The following NCALD variants were observed in gnomAD, a reference collection of about 807,000 sequenced individuals.
The protein encoded by NCALD is neurocalcin-delta.
Under a neutral mutation model 18.6 loss-of-function variants are expected in NCALD, and 10 were observed. The observed-to-expected ratio is 0.54, with a 90% CI of 0.33 to 0.91. The LOEUF is 0.91. NCALD is among the 40% of genes least tolerant of loss of function. The pLI is 0.03. For synonymous variants in NCALD, 88 were observed against 87.4 expected, an observed-to-expected ratio of 1.01 and a Z score of -0.04; for missense variants, 184 against 247.6, an observed-to-expected ratio of 0.74 and a Z score of 1.72.
At chr8:101,818,311 C>T (rs1180621342) in intron 4 of NCALD, among the ~76,000 whole-genome samples, 1 of 152,100 alleles carries the variant, frequency 6.6e-6, no homozygotes, top group African/African-American at 2.4e-5. Context: ...TTGCAATTGG[C>T]ACTGCACTGA....
chr8:101,755,541 A>G (rs1378622786), intron 1 of NCALD, among the ~76,000 whole-genome samples: 1 of 152,040 alleles, frequency 6.6e-6, no homozygotes, highest in Non-Finnish European at 1.5e-5. Context: ...CATTCACCCT[A>G]TCTTCTCCTG....
intron 3 of NCALD, among the ~76,000 whole-genome samples, chr8:101,905,645 C>G (rs1817587730): frequency 6.6e-6 from 1 of 152,176 alleles, no homozygotes; most frequent in Admixed American, 6.5e-5. Context: ...CAATTAACAT[C>G]CTAATTAAAG....
chr8:101,753,361 T>A (rs1272488944), intron 1 of NCALD, among the ~76,000 whole-genome samples: 2 of 152,174 alleles, frequency 1.3e-5, no homozygotes, highest in African/African-American at 2.4e-5. Flanking sequence ...GAGGTATTTT[T>A]AAGGTAGAAT....
chr8:101,878,612 A>G (rs1464978560), intron 4 of NCALD, among the ~76,000 whole-genome samples: 2 of 152,272 alleles, frequency 1.3e-5, no homozygotes, highest in Non-Finnish European at 2.9e-5. Context: ...AAATTAAATT[A>G]TTAATCAAGT....
At chr8:102,059,893 A>G (rs1823780685) in intron 1 of NCALD, among the ~76,000 whole-genome samples, 1 of 152,188 alleles carries the variant, frequency 6.6e-6, no homozygotes, top group African/African-American at 2.4e-5. Context: ...GGTAAAACAC[A>G]GCTGCCAGGG....
chr8:101,703,756 T>A (rs2130184547), intron 2 of NCALD, among the ~76,000 whole-genome samples: 1 of 152,282 alleles, frequency 6.6e-6, no homozygotes, highest in Non-Finnish European at 1.5e-5. Context: ...AAGTGGCTAG[T>A]GATCACTGGA....
intron 1 of NCALD, among the ~76,000 whole-genome samples, chr8:102,103,690 G>A (rs1172196243): frequency 6.6e-6 from 1 of 152,120 alleles, no homozygotes; most frequent in Non-Finnish European, 1.5e-5. Flanking sequence ...GAGTAGCTGG[G>A]AGGCACTCTG....
chr8:102,119,180 T>C (rs1258426596), intron 1 of NCALD, among the ~76,000 whole-genome samples: 2 of 152,128 alleles, frequency 1.3e-5, no homozygotes, highest in African/African-American at 4.8e-5. Context: ...CAAACGTCCA[T>C]CAGCAGATGC....
intron 2 of NCALD, among the ~76,000 whole-genome samples, chr8:101,927,286 C>T (rs1301354591): frequency 6.6e-6 from 1 of 152,206 alleles, no homozygotes; most frequent in African/African-American, 2.4e-5. Flanking sequence ...GTCCCACCAA[C>T]AGAAGAGCAA....
At chr8:101,924,230 A>G (rs1818263760) in intron 2 of NCALD, among the ~76,000 whole-genome samples, 1 of 152,222 alleles carries the variant, frequency 6.6e-6, no homozygotes, top group South Asian at 2.1e-4. Flanking sequence ...ATAGTCACCA[A>G]TACCATTTAG....
intron 4 of NCALD, among the ~76,000 whole-genome samples, chr8:101,868,380 G>A (rs1322434278): frequency 6.6e-6 from 1 of 152,152 alleles, no homozygotes; most frequent in Non-Finnish European, 1.5e-5. Flanking sequence ...GCTGAAGCAG[G>A]AGAATAGGGT....
intron 3 of NCALD, among the ~76,000 whole-genome samples, chr8:101,912,360 CATT>C (rs1817832434): frequency 6.6e-6 from 1 of 152,128 alleles, no homozygotes; most frequent in East Asian, 1.9e-4. Context: ...GGTGTACAGA[CATT>C]GTTGCTATGG....
intron 2 of NCALD, among the ~76,000 whole-genome samples, chr8:101,711,752 C>T (rs1056154081): frequency 3.9e-5 from 6 of 151,904 alleles, no homozygotes; most frequent in Non-Finnish European, 5.9e-5. Context: ...GCAAAGCCTC[C>T]AAGAAATACG....
In NCALD at chr8:102,013,743, C is replaced by T. The variant is rs552582276; in HGVS notation, c.-157+6494G>A. Among the ~76,000 whole-genome samples, 5 of 152,152 alleles carry T rather than the reference C, an allele frequency of 3.3e-5. No homozygotes were observed. In the East Asian group the frequency reaches 5.8e-4, roughly 18 times the overall value. On this transcript the variant is annotated intron_variant, in intron 2 of 6. Coordinates refer to the NCALD transcript ENST00000311028. ...TGGGGAAAGGAATGAGTTTAAAATACCTGAGTCCAAAAACAAAAGGAAAGA... is the reference window on the plus strand; with the variant it reads ...TGGGGAAAGGAATGAGTTTAAAATATCTGAGTCCAAAAACAAAAGGAAAGA...
intron 1 of NCALD, among the ~76,000 whole-genome samples, chr8:101,789,582 TAAAAC>T (rs1563772344): frequency 6.6e-6 from 1 of 152,164 alleles, no homozygotes; most frequent in Non-Finnish European, 1.5e-5. Context: ...ACATAAAAAT[TAAAAC>T]AATATATTCT....
rs1814792813 is a variant in NCALD at position 101,692,798 on chromosome 8, A to G, written c.477T>C (p.Asn159=). The G allele has an allele frequency of 1.2e-6, 2 of 1,612,258 alleles. No individual in the cohort carries two copies. The highest frequency in any genetic ancestry group is 1.7e-6 in the Non-Finnish European group (2 of 1,178,590). The change falls in exon 3 of 4, where the codon AAT becomes AAC. Residue 159 remains asparagine (N), a synonymous_variant. Transcript: ENST00000220931. ...GTAGCCCCCGCCTCCTACCGTCTCTATTGGTGTCCATCTGGCGGAAGATCT... is the reference window on the plus strand; with the variant it reads ...GTAGCCCCCGCCTCCTACCGTCTCTGTTGGTGTCCATCTGGCGGAAGATCT... ...TEKIFRQMDT[N]RDGKLSLEEF...
chr8:101,843,998 A>T (rs1814760612), intron 4 of NCALD, among the ~76,000 whole-genome samples: 1 of 152,226 alleles, frequency 6.6e-6, no homozygotes, highest in Admixed American at 6.5e-5. Flanking sequence ...AAATGTTAAC[A>T]TTTGCCATAC....
At chr8:102,067,007 C>T (rs1824030498) in intron 1 of NCALD, among the ~76,000 whole-genome samples, 1 of 152,126 alleles carries the variant, frequency 6.6e-6, no homozygotes, top group African/African-American at 2.4e-5. Context: ...GTGAAAATGG[C>T]CTGGTTCAGA....
At chr8:101,827,701 A>G (rs1259587765) in intron 4 of NCALD, among the ~76,000 whole-genome samples, 1 of 152,356 alleles carries the variant, frequency 6.6e-6, no homozygotes. Context: ...GTCTTAGACC[A>G]AAACACACAA....
Sources: allele counts gnomAD v4.1 joint callset (sites outside exome capture counted in the v4.1 genomes callset), GRCh38; gene constraint gnomAD v4.1.1; transcripts MANE v1.5; gene names NCBI Gene and HGNC (gene_info 2026-07-23, HGNC 2026-07-21).